The following LIPI variants were observed in gnomAD, a reference collection of about 807,000 sequenced individuals.
The protein encoded by LIPI is lipase member I.
LIPI carries 59 observed loss-of-function variants against 50.6 expected under a neutral mutation model. The observed-to-expected ratio is 1.16, with a 90% CI of 0.94 to 1.45. The LOEUF is 1.45. Ranked by LOEUF, LIPI falls within the 40% of genes most tolerant of loss-of-function variation. LIPI has a pLI of 0.00. For missense variants in LIPI, 586 were observed against 536.3 expected, an observed-to-expected ratio of 1.09 and a Z score of -0.92; for synonymous variants, 203 against 178.2, an observed-to-expected ratio of 1.14 and a Z score of -1.11.
intron 9 of LIPI, among the ~76,000 whole-genome samples, chr21:14,119,826 C>G (rs1408528887): frequency 6.6e-6 from 1 of 152,138 alleles, no homozygotes. Flanking sequence ...GATGGCCACC[C>G]TGTTTCAAGG....
intron 9 of LIPI, among the ~76,000 whole-genome samples, chr21:14,112,790 A>T (rs1415808120): frequency 6.6e-6 from 1 of 152,146 alleles, no homozygotes. Flanking sequence ...AAATATAAAT[A>T]AGCATTTAAA....
At chr21:14,135,446 C>T (rs2017456836) in intron 9 of LIPI, among the ~76,000 whole-genome samples, 1 of 152,276 alleles carries the variant, frequency 6.6e-6, no homozygotes, top group East Asian at 1.9e-4. Flanking sequence ...CACCACTCCT[C>T]CCCCATCCCC....
At chr21:14,151,315 G>A (rs2018082278) in intron 8 of LIPI, among the ~76,000 whole-genome samples, 1 of 152,132 alleles carries the variant, frequency 6.6e-6, no homozygotes, top group South Asian at 2.1e-4. Context: ...AGTAGTCAGG[G>A]ACTTTCTCCT....
rs146386642 is a variant in LIPI, at chr21:14,159,755, G to A, written c.1006+3664C>T. ...CATAGAAAATTCCAATGAATCTATTGTTTTAACCTAGAAACAATAAATGAA... is the reference window on the plus strand; with the variant it reads ...CATAGAAAATTCCAATGAATCTATTATTTTAACCTAGAAACAATAAATGAA... On this transcript the variant is annotated intron_variant, in intron 7 of 9. Transcript: ENST00000681601. Among the ~76,000 whole-genome samples the A allele has an allele frequency of 3.7e-3, 567 of 151,480 alleles. 3 individuals are homozygous for A. Among genetic ancestry groups the A allele is most frequent in the African/African-American group, 0.013 (548 of 41,486 alleles).
At chr21:14,116,735 C>G (rs558008710) in intron 9 of LIPI, among the ~76,000 whole-genome samples, 2 of 152,196 alleles carry the variant, frequency 1.3e-5, no homozygotes, top group East Asian at 3.9e-4. Flanking sequence ...CCTGGCTGAA[C>G]GTGATTCAGA....
chr21:14,167,170 G>T (rs1307934251), intron 4 of LIPI, among the ~76,000 whole-genome samples: 2 of 152,228 alleles, frequency 1.3e-5, no homozygotes, highest in Non-Finnish European at 2.9e-5. Flanking sequence ...AGGGGTGCCT[G>T]CCATTGCCCA....
At chr21:14,182,326 C>T (rs1204043119) in intron 3 of LIPI, among the ~76,000 whole-genome samples, 1 of 152,048 alleles carries the variant, frequency 6.6e-6, no homozygotes, top group Non-Finnish European at 1.5e-5. Context: ...GTTATCTTAT[C>T]CATTTCTCGT....
chr21:14,177,714 G>GC (rs1201402856), intron 4 of LIPI, among the ~76,000 whole-genome samples: 2 of 151,970 alleles, frequency 1.3e-5, no homozygotes, highest in East Asian at 3.9e-4. Flanking sequence ...AAAATCATAT[G>GC]CTATTTTTAG....
intron 1 of LIPI, among the ~76,000 whole-genome samples, chr21:14,206,254 T>C (rs2020222391): frequency 6.6e-6 from 1 of 152,064 alleles, no homozygotes; most frequent in African/African-American, 2.4e-5. Flanking sequence ...CAAACATCTC[T>C]TGTGACTCTG....
rs1600829371 is a variant in LIPI at position 14,119,347 on chromosome 21, G to A, written c.1296-10267C>T. On this transcript the variant is annotated intron_variant, in intron 9 of 9. Coordinates refer to ENST00000681601, the MANE Select transcript of LIPI (RefSeq NM_001302998.2). ...TCTCCTTTGAGCGCTGTGGAAAGCT[G>A]GCTATAAAGTGTCCAAGGAAAAGGC... Among the ~76,000 whole-genome samples, 3 of 152,326 alleles carry A rather than the reference G, an allele frequency of 2.0e-5. No individual in the cohort carries two copies. The East Asian group carries it at 5.8e-4, about 29-fold the overall frequency.
At chr21:14,185,508 CA>C (rs1267025878) in intron 3 of LIPI, among the ~76,000 whole-genome samples, 1 of 152,026 alleles carries the variant, frequency 6.6e-6, no homozygotes, top group East Asian at 1.9e-4. Context: ...AAAACAAAGC[CA>C]ATATTTAAAT....
At chr21:14,194,644 A>G (rs570077700) in intron 1 of LIPI, among the ~76,000 whole-genome samples, 1 of 151,620 alleles carries the variant, frequency 6.6e-6, no homozygotes, top group African/African-American at 2.4e-5. Context: ...GGGCTGAGGG[A>G]AAAGGGGAAA....
intron 1 of LIPI, among the ~76,000 whole-genome samples, chr21:14,198,211 C>T (rs958804282): frequency 6.6e-6 from 1 of 152,030 alleles, no homozygotes; most frequent in Non-Finnish European, 1.5e-5. Context: ...ACCACATAAG[C>T]AAGTCTGCAA....
At chr21:14,136,279 C>G (rs998650849) in intron 9 of LIPI, among the ~76,000 whole-genome samples, 1 of 152,160 alleles carries the variant, frequency 6.6e-6, no homozygotes. Context: ...GTTCACAATT[C>G]CAGGACTTGA....
intron 8 of LIPI, among the ~76,000 whole-genome samples, chr21:14,152,071 T>TTTTATTTA (rs71819029): frequency 6.9e-4 from 99 of 143,502 alleles, no homozygotes; most frequent in East Asian, 1.4e-3. Context: ...CTTTAACTTA[T>TTTTATTTA]TTTATTTATT....
chr21:14,121,519 C>A (rs536046557), intron 9 of LIPI, among the ~76,000 whole-genome samples: 30 of 152,276 alleles, frequency 2.0e-4, no homozygotes, highest in African/African-American at 7.0e-4. Context: ...CAAATGCAGG[C>A]ATTAGGTGAG....
In LIPI at chr21:14,162,210, T is replaced by C. The variant is rs146219030; in HGVS notation, c.1006+1209A>G. Among the ~76,000 whole-genome samples the C allele has an allele frequency of 2.1e-3, 319 of 150,880 alleles. 2 individuals carry two copies. Among genetic ancestry groups the C allele is most frequent in the African/African-American group, 7.4e-3 (307 of 41,226 alleles). On this transcript the variant is annotated intron_variant, in intron 7 of 9. Coordinates refer to ENST00000681601, the MANE Select transcript of LIPI (RefSeq NM_001302998.2). ...TGAACCTCCAGGGAACTATGCTGAGTGAAAAAATAAGCCAATTAAAAAGGT... is the reference window on the plus strand; with the variant it reads ...TGAACCTCCAGGGAACTATGCTGAGCGAAAAAATAAGCCAATTAAAAAGGT...
intron 2 of LIPI, 109 bp from the exon 3 acceptor site, chr21:14,186,178 C>T (rs1315657638): frequency 4.1e-6 from 3 of 731,816 alleles, no homozygotes; most frequent in Non-Finnish European, 7.4e-6. Context: ...TGGCTTGATT[C>T]ATTTTGGGGA....
intron 4 of LIPI, among the ~76,000 whole-genome samples, chr21:14,176,081 G>C (rs1410506637): frequency 6.6e-6 from 1 of 151,582 alleles, no homozygotes; most frequent in Non-Finnish European, 1.5e-5. Context: ...GGGAGGCTGA[G>C]GCAGGAGAAT....
Sources: gnomAD v4.1 joint callset for allele counts (sites outside exome capture counted in the v4.1 genomes callset) on GRCh38, gnomAD v4.1.1 for gene constraint, MANE v1.5 for transcripts, NCBI Gene and HGNC (gene_info 2026-07-23, HGNC 2026-07-21) for gene names.